The following PLXNB2 variants were observed in gnomAD, a reference collection of about 807,000 sequenced individuals.
The protein encoded by PLXNB2 is plexin B2.
Under a neutral mutation model 202.6 loss-of-function variants are expected in PLXNB2, and 85 were observed. The observed-to-expected ratio is 0.42, with a 90% CI of 0.35 to 0.50. PLXNB2 has a LOEUF of 0.50. PLXNB2 is among the 20% of genes least tolerant of loss of function. The pLI is 0.02. For synonymous variants in PLXNB2, 1,239 were observed against 1,137.6 expected (o/e 1.09, Z -1.79); for missense variants, 2,063 against 2,586.2 (o/e 0.80, Z 4.39).
At chr22:50,280,340 C>T in intron 25 of PLXNB2, 149 bp downstream of exon 25, 1 of 729,752 alleles carries the variant, frequency 1.4e-6, no homozygotes, top group Non-Finnish European at 2.1e-6. Flanking sequence ...GCCGGGGACA[C>T]CACCCCTAGA....
In PLXNB2 at chr22:50,284,583, C is replaced by A; in HGVS notation, c.2171G>T (p.Arg724Leu). ...GCCCTGGAGCCGTACCTTTGGGGTC[C>A]GAAAGGCGAAGGTCCCAGATTCCTG... The part of the protein sequence containing the change: ...TMQESGTFAF[R>L]TPKLSHDANE... The change falls in exon 12 of 37, where the codon CGG (arginine) becomes CTG (leucine). Residue 724 changes from arginine (R) to leucine (L), a missense_variant. By Grantham distance (102) the Arg-to-Leu change is moderately radical. Around this residue, in one of 2 missense-constraint regions of PLXNB2, gnomAD observed 1,303 missense variants for 1,476.8 expected, o/e 0.88. Transcript: ENST00000359337. The surrounding 1 kb of genome is among the most constrained non-coding windows in gnomAD (Gnocchi z 8.0). The A allele has an allele frequency of 6.2e-7, 1 of 1,610,854 alleles. No individual in the cohort carries two copies. Among genetic ancestry groups the A allele is most frequent in the Non-Finnish European group, 8.5e-7 (1 of 1,178,912 alleles).
In PLXNB2 at chr22:50,286,194, A is replaced by T; in HGVS notation, c.1856T>A (p.Met619Lys). ...QYPFYDCRQA[M>K]SLEENLPCIS... Reference sequence around the variant, plus strand: ...TCACGGCAGGTTCTCCTCCAGGCTCATGGCCTGGCGGCAGTCGTAGAAGGG... The same window carrying T: ...TCACGGCAGGTTCTCCTCCAGGCTCTTGGCCTGGCGGCAGTCGTAGAAGGG... The change falls in exon 9 of 37, where the codon ATG becomes AAG. Residue 619 changes from methionine (M) to lysine (K), a missense_variant. This residue lies in a region of PLXNB2 where 1,303 missense variants were observed against 1,476.8 expected (regional missense o/e 0.88). Transcript: ENST00000359337. The T allele has an allele frequency of 1.2e-6, 2 of 1,612,508 alleles. No homozygotes were observed. Among genetic ancestry groups the T allele is most frequent in the South Asian group, 1.1e-5 (1 of 91,076 alleles).
intron 1 of PLXNB2, among the ~76,000 whole-genome samples, chr22:50,307,277 G>A (rs2067921957): frequency 1.3e-5 from 2 of 152,206 alleles, no homozygotes; most frequent in South Asian, 4.1e-4. Context: ...CAGGCGCGGA[G>A]GAGGGATCCG....
rs1426043894 is a variant in PLXNB2, at chr22:50,297,412, C to G, written c.-73-2634G>C. Reference sequence around the variant, plus strand: ...CCAGAGGCAAGACCCATACTCCACTCTCCTGGAGGAGGCTTTCTGCCGTCC... The same window carrying G: ...CCAGAGGCAAGACCCATACTCCACTGTCCTGGAGGAGGCTTTCTGCCGTCC... On this transcript the variant is annotated intron_variant, in intron 1 of 36. Coordinates refer to ENST00000359337, the MANE Select transcript of PLXNB2 (RefSeq NM_012401.4). This position sits in a 1 kb window ranked among gnomAD's most constrained non-coding sequence, Gnocchi z 5.3. 3.3e-5 allele frequency among the ~76,000 whole-genome samples: 5 copies of G among 152,204 alleles called. No individual in the cohort carries two copies.
chr22:50,281,277 G>A, intron 22 of PLXNB2, 83 bp downstream of exon 22: 1 of 1,572,078 alleles, frequency 6.4e-7, no homozygotes, highest in African/African-American at 1.3e-5. Flanking sequence ...GCCTGCCTGT[G>A]CAGGGCGGCG....
rs754848484 is a variant in PLXNB2 at position 50,275,309 on chromosome 22, T to TG, written c.*394dup. ...AGACATAGGATCTGGGAACTTGCCC[T>TG]GGGGGCCACAGGCCCTCAGATCCCC... On this transcript the variant is annotated 3_prime_UTR_variant, in exon 37 of 37. Coordinates refer to ENST00000359337, the MANE Select transcript of PLXNB2 (RefSeq NM_012401.4). The TG allele has an allele frequency of 5.0e-4, 218 of 438,072 alleles. No homozygotes were observed. In the Middle Eastern group the frequency reaches 0.012, roughly 24 times the overall value. The allele number at this position is 438,072 out of a possible 1,614,324, so 27.1% of individuals were successfully genotyped here. A position where few individuals can be genotyped will look rare whatever the true frequency, so the allele number is the denominator to read the frequency against.
Position 50,296,300 on chromosome 22 carries a change from G to A in PLXNB2, c.-73-1522C>T, listed in dbSNP as rs558112390. ...GTGTGGTGGTACAGCCTGAAGTCCC[G>A]GGTACTGAGGAGGCTAAGGCAGAGT... On this transcript the variant is annotated intron_variant, in intron 1 of 36. Coordinates refer to ENST00000359337, the MANE Select transcript of PLXNB2 (RefSeq NM_012401.4). 1.9e-4 allele frequency among the ~76,000 whole-genome samples: 27 copies of A among 144,878 alleles called. No homozygotes were observed. The South Asian group carries it at 3.7e-3, about 20-fold the overall frequency.
rs1220605772 is a variant in PLXNB2, at chr22:50,289,600, C to T, written c.985G>A (p.Ala329Thr). The T allele has an allele frequency of 1.2e-6, 2 of 1,610,710 alleles. No homozygotes were observed. The highest frequency in any genetic ancestry group is 1.7e-5 in the Admixed American group (1 of 60,030). The change falls in exon 3 of 37, where the codon GCC (alanine) becomes ACC (threonine). Residue 329 changes from alanine to threonine, a missense_variant. Physicochemically the swap from Ala to Thr is moderately conservative, Grantham distance 58 (BLOSUM62 0). This residue lies in a region of PLXNB2 where 1,303 missense variants were observed against 1,476.8 expected (regional missense o/e 0.88). Transcript: ENST00000359337. The surrounding 1 kb of genome is among the most constrained non-coding windows in gnomAD (Gnocchi z 8.0). ...GCCTCCCGGGTGCCTGTGTAACAGG[C>T]GTTGCGGTTGGCCTCCATCTTGGCG... Reference protein sequence around the residue: ...VHAKMEANRNACYTGTREARD... With the variant: ...VHAKMEANRNTCYTGTREARD...
rs944397646 is a variant in PLXNB2, at chr22:50,284,949, C to T, written c.2089-284G>A. The T allele has an allele frequency of 1.4e-5, 8 of 552,742 alleles. No homozygotes were observed. Among genetic ancestry groups the T allele is most frequent in the African/African-American group, 1.1e-4 (6 of 52,966 alleles). The allele number at this position is 552,742 out of a possible 1,614,324, so 34.2% of individuals were successfully genotyped here. A position where few individuals can be genotyped will look rare whatever the true frequency, so the allele number is the denominator to read the frequency against. ...CGCCCGGCCCACCTGACATCGTGGC[C>T]CCCACAGCTCCCTCCTCAGGAGGTG... On this transcript the variant is annotated intron_variant, in intron 11 of 36. Coordinates refer to ENST00000359337, the MANE Select transcript of PLXNB2 (RefSeq NM_012401.4). The surrounding 1 kb of genome is among the most constrained non-coding windows in gnomAD (Gnocchi z 8.0).
rs767661287 is a variant in PLXNB2, at chr22:50,275,940, G to A, written c.5361C>T (p.Thr1787=). 29 of 1,612,530 alleles carry A rather than the reference G, an allele frequency of 1.8e-5. No homozygotes were observed. Among genetic ancestry groups the A allele is most frequent in the South Asian group, 3.3e-5 (3 of 91,086 alleles). The change falls in exon 36 of 37, where the codon ACC becomes ACT. Residue 1787 remains threonine (T), a synonymous_variant. Transcript: ENST00000359337. ...GGTAGAGCTGGTGGAGTGCCACGAG[G>A]GTGTTCAAGGAGTCCGTGTGCGCCT... The part of the protein sequence containing the change: ...ISRAHTDSLN[T]LVALHQLYQY...
chr22:50,279,780 G>A lies in PLXNB2; in HGVS notation c.4243-4C>T. On this transcript the variant is annotated splice_polypyrimidine_tract_variant and splice_region_variant and intron_variant, in intron 26 of 36. Transcript: ENST00000359337. ...ACAGGGGCTCCCCGGCACTGTCCTG[G>A]AGTAACACGGAGGGGAGGCTGGGAG... The A allele has an allele frequency of 6.2e-7, 1 of 1,613,754 alleles. No homozygotes were observed. The highest frequency in any genetic ancestry group is 2.2e-5 in the East Asian group (1 of 44,882).
Position 50,281,342 on chromosome 22 carries a change from G to A in PLXNB2, c.3662+18C>T. On this transcript the variant is annotated intron_variant, in intron 22 of 36. Transcript: ENST00000359337. ...GCCGAGGGCTCAGGGTGTTGGCACA[G>A]CCGGGGGGCGGGCTCACCAGTAGCA... The A allele has an allele frequency of 6.2e-7, 1 of 1,610,814 alleles. No individual in the cohort carries two copies. The highest frequency in any genetic ancestry group is 1.1e-5 in the South Asian group (1 of 90,710).
At chr22:50,275,844 C>T (rs376948709) in intron 36 of PLXNB2, 36 bp from the exon 37 acceptor site, 16 of 1,606,648 alleles carry the variant, frequency 1.0e-5, no homozygotes, top group South Asian at 5.5e-5. Context: ...ACCGGGGGAC[C>T]GCCCAGCACC....
intron 2 of PLXNB2, among the ~76,000 whole-genome samples, chr22:50,292,234 A>G (rs1176880336): frequency 6.7e-6 from 1 of 149,670 alleles, no homozygotes; most frequent in African/African-American, 2.5e-5. Context: ...GCTACTCCAG[A>G]GGCTGAGGCA....
chr22:50,302,608 T>C (rs558174058), intron 1 of PLXNB2, among the ~76,000 whole-genome samples: 2 of 152,234 alleles, frequency 1.3e-5, no homozygotes, highest in East Asian at 3.9e-4. Context: ...CATCCTTTTC[T>C]CCTGAAGTCC....
rs1347685085 is a variant in PLXNB2 at position 50,278,526 on chromosome 22, A to C, written c.4648-7T>G. On this transcript the variant is annotated splice_region_variant and splice_polypyrimidine_tract_variant and intron_variant, in intron 29 of 36. Coordinates refer to ENST00000359337, the MANE Select transcript of PLXNB2 (RefSeq NM_012401.4). ...GGGTGGCTCCATCCCGGACCTGGGG[A>C]ACACGGCGGTGAGGGTGGGCTGTGC... 1 of 1,577,022 alleles carries C rather than the reference A, an allele frequency of 6.3e-7. No homozygotes were observed. Among genetic ancestry groups the C allele is most frequent in the Non-Finnish European group, 8.6e-7 (1 of 1,162,134 alleles).
rs543491281 is a variant in PLXNB2, at chr22:50,281,171, G to A, written c.3681C>T (p.Ala1227=). Residue 1227 remains alanine (A), a synonymous_variant, in exon 23 of 37, where the codon GCC becomes GCT. Transcript: ENST00000359337. The part of the protein sequence containing the change: ...VYCYWRKSQQ[A]EREYEKIKSQ... Reference sequence around the variant, plus strand: ...ACTTGATCTTCTCATACTCTCGTTCGGCCTGCTGGCTCTTCCTCCTGCAAG... The same window carrying A: ...ACTTGATCTTCTCATACTCTCGTTCAGCCTGCTGGCTCTTCCTCCTGCAAG... 4.5e-5 allele frequency: 73 copies of A among 1,612,704 alleles called. No individual in the cohort carries two copies. The highest frequency in any genetic ancestry group is 4.3e-4 in the South Asian group (39 of 91,030).
At chr22:50,298,524 A>C (rs2067440148) in intron 1 of PLXNB2, among the ~76,000 whole-genome samples, 1 of 152,154 alleles carries the variant, frequency 6.6e-6, no homozygotes. Flanking sequence ...CCAGGCCCCC[A>C]AACTCCTGCC....
chr22:50,283,703 G>C lies in PLXNB2; in HGVS notation c.2469C>G (p.Ile823Met). 2 of 1,613,174 alleles carry C rather than the reference G, an allele frequency of 1.2e-6. No homozygotes were observed. Among genetic ancestry groups the C allele is most frequent in the African/African-American group, 2.7e-5 (2 of 75,002 alleles). Residue 823 changes from isoleucine to methionine, a missense_variant, in exon 15 of 37, where the codon ATC becomes ATG. Transcript: ENST00000359337. ...CTTGGACGCCCAAATTGGACCCCAG[G>C]ATGGTGATGCGGATGCCCCCACCCA... ...GPLGGGIRIT[I>M]LGSNLGVQAG... is the part of the protein sequence containing the mutation.
Sources: allele counts gnomAD v4.1 joint callset (sites outside exome capture counted in the v4.1 genomes callset), GRCh38; gene constraint gnomAD v4.1.1; regional missense constraint gnomAD v4.1.1; non-coding constraint Gnocchi (gnomAD v3.1); transcripts MANE v1.5; gene names NCBI Gene and HGNC (gene_info 2026-07-23, HGNC 2026-07-21).